Variants in SLC24A2 observed in about 807,000 individuals in gnomAD.
SLC24A2 encodes the protein solute carrier family 24 member 2.
Under a neutral mutation model 62.0 loss-of-function variants are expected in SLC24A2, and 36 were observed. The observed-to-expected ratio is 0.58, with a 90% CI of 0.44 to 0.77. The LOEUF (loss-of-function observed/expected upper bound fraction) is 0.77. SLC24A2 is among the 30% of genes least tolerant of loss of function. The probability of loss-of-function intolerance (pLI) is 0.00; values close to 1 mark genes in which losing one functional copy is unlikely to be tolerated. For synonymous variants in SLC24A2, 358 were observed against 294.0 expected (o/e 1.22, Z -2.23); for missense variants, 846 against 817.9 (o/e 1.03, Z -0.42).
the SLC24A2 span, among the ~76,000 whole-genome samples, chr9:20,098,367 A>C: frequency 7.2e-3 from 1,090 of 152,260 alleles, 12 homozygotes; most frequent in Non-Finnish European, 9.6e-3. Flanking sequence ...TGATGCCCAA[A>C]CTCTTTTCAG....
At chr9:20,180,055 C>G in the SLC24A2 span, among the ~76,000 whole-genome samples, 1,262 of 152,188 alleles carry the variant, frequency 8.3e-3, 14 homozygotes, top group African/African-American at 0.028. Context: ...TTGGCCATTG[C>G]CTGGCTAAAA....
the SLC24A2 span, among the ~76,000 whole-genome samples, chr9:20,222,401 T>C: frequency 4.7e-4 from 71 of 152,004 alleles, no homozygotes; most frequent in African/African-American, 1.7e-3. Context: ...AAAAGCAAAG[T>C]TTAGTATTGA....
intron 2 of SLC24A2, among the ~76,000 whole-genome samples, chr9:19,666,761 G>A (rs1199306840): frequency 2.0e-5 from 3 of 151,946 alleles, no homozygotes; most frequent in East Asian, 1.9e-4. Flanking sequence ...TTTCAATGCA[G>A]GACATCTTGT....
chr9:19,527,962 T>G (rs1372193472), intron 9 of SLC24A2, 87 bp downstream of exon 9: 64 of 832,804 alleles, frequency 7.7e-5, no homozygotes, highest in Non-Finnish European at 1.0e-5. Flanking sequence ...GTTGTGGCAG[T>G]TGCAGAAAGC....
the SLC24A2 span, among the ~76,000 whole-genome samples, chr9:19,877,065 C>A: frequency 6.6e-6 from 1 of 151,924 alleles, no homozygotes; most frequent in Middle Eastern, 3.4e-3. Context: ...CTTTGCCTTT[C>A]TTTAGGGGAC....
intron 2 of SLC24A2, among the ~76,000 whole-genome samples, chr9:19,625,727 C>A (rs1818017569): frequency 6.8e-6 from 1 of 147,572 alleles, no homozygotes; most frequent in Non-Finnish European, 1.5e-5. Flanking sequence ...ACTCTTGTCA[C>A]CCAGGTTGGA....
the SLC24A2 span, among the ~76,000 whole-genome samples, chr9:20,253,049 C>A: frequency 6.6e-6 from 1 of 152,230 alleles, no homozygotes; most frequent in East Asian, 1.9e-4. Context: ...AGAAACAAGG[C>A]ACCCACTTTT....
At chr9:19,619,282 G>A (rs143254151) in intron 4 of SLC24A2, among the ~76,000 whole-genome samples, 10 of 152,310 alleles carry the variant, frequency 6.6e-5, no homozygotes, top group Admixed American at 2.0e-4. Flanking sequence ...TACTTCAGCT[G>A]GAAGGGAGGG....
the SLC24A2 span, among the ~76,000 whole-genome samples, chr9:20,083,573 C>T: frequency 6.6e-6 from 1 of 152,208 alleles, no homozygotes; most frequent in African/African-American, 2.4e-5. Flanking sequence ...CAGCGAATTG[C>T]CATTCAGTCA....
the SLC24A2 span, among the ~76,000 whole-genome samples, chr9:19,995,617 C>T: frequency 7.9e-5 from 12 of 152,314 alleles, no homozygotes; most frequent in African/African-American, 2.9e-4. Flanking sequence ...TTCTTTGAAG[C>T]ATTTAACACA....
chr9:19,656,442 C>G (rs968561407), intron 2 of SLC24A2, among the ~76,000 whole-genome samples: 3 of 152,148 alleles, frequency 2.0e-5, no homozygotes, highest in Admixed American at 2.0e-4. Flanking sequence ...GTCTAAAACC[C>G]TTTATTCTAA....
chr9:19,956,100 G>C, the SLC24A2 span, among the ~76,000 whole-genome samples: 126 of 152,318 alleles, frequency 8.3e-4, no homozygotes, highest in Admixed American at 2.5e-3. Flanking sequence ...GGCAGGGAGA[G>C]GAGAGTCCAG....
chr9:20,261,685 G>C, the SLC24A2 span, among the ~76,000 whole-genome samples: 1 of 150,000 alleles, frequency 6.7e-6, no homozygotes, highest in South Asian at 2.1e-4. Context: ...ATCTTCTACT[G>C]GTAAAGTAAA....
At chr9:19,588,447 C>T (rs1836440304) in intron 5 of SLC24A2, among the ~76,000 whole-genome samples, 1 of 152,060 alleles carries the variant, frequency 6.6e-6, no homozygotes, top group Non-Finnish European at 1.5e-5. Context: ...AGGGCACACA[C>T]TGCAGTGGAA....
chr9:19,835,849 G>A, the SLC24A2 span, among the ~76,000 whole-genome samples: 2 of 152,056 alleles, frequency 1.3e-5, no homozygotes, highest in East Asian at 1.9e-4. Context: ...CAGCAAATGT[G>A]AAAGAACAGA....
chr9:20,157,005 G>C, the SLC24A2 span, among the ~76,000 whole-genome samples: 1 of 151,656 alleles, frequency 6.6e-6, no homozygotes, highest in African/African-American at 2.4e-5. Context: ...GTTTACTAAA[G>C]CCACAATAAC....
the SLC24A2 span, among the ~76,000 whole-genome samples, chr9:20,299,684 C>T: frequency 2.0e-5 from 3 of 152,208 alleles, no homozygotes; most frequent in Non-Finnish European, 4.4e-5. Context: ...ACTACTAGGA[C>T]CAAATTCAGG....
intron 2 of SLC24A2, among the ~76,000 whole-genome samples, chr9:19,700,308 A>G (rs1820318697): frequency 6.6e-6 from 1 of 152,176 alleles, no homozygotes; most frequent in African/African-American, 2.4e-5. Flanking sequence ...AGGACTCAGT[A>G]AATGTTAGCT....
chr9:20,025,251 C>T, the SLC24A2 span, among the ~76,000 whole-genome samples: 1 of 152,064 alleles, frequency 6.6e-6, no homozygotes, highest in Non-Finnish European at 1.5e-5. Flanking sequence ...AATGTATTAA[C>T]CTTAGGGACA....
Sources: allele counts gnomAD v4.1 joint callset (sites outside exome capture counted in the v4.1 genomes callset), GRCh38; gene constraint gnomAD v4.1.1; transcripts MANE v1.5; gene names NCBI Gene and HGNC (gene_info 2026-07-23, HGNC 2026-07-21).